ATG10: variants seen among roughly 807,000 people sequenced by gnomAD.
ATG10 encodes the protein ubiquitin-like-conjugating enzyme ATG10.
ATG10 carries 30 observed loss-of-function variants against 32.1 expected under a neutral mutation model. The ratio of observed to expected loss-of-function variants is 0.94; its 90% CI spans 0.70 to 1.27. The LOEUF (loss-of-function observed/expected upper bound fraction) is 1.27, where lower values mean the gene tolerates loss of function less well. ATG10 is among the 50% of genes most tolerant of loss of function. The pLI, the probability that ATG10 is intolerant of heterozygous loss-of-function variation, is 0.00. For synonymous variants in ATG10, 87 were observed against 91.5 expected (o/e 0.95, Z 0.28); for missense variants, 233 against 262.3 (o/e 0.89, Z 0.77).
intron 5 of ATG10, among the ~76,000 whole-genome samples, chr5:82,193,560 G>A (rs1744740854): frequency 6.6e-6 from 1 of 152,114 alleles, no homozygotes; most frequent in Non-Finnish European, 1.5e-5. Context: ...GTCGCATATG[G>A]TAATCCATGT....
At chr5:82,028,685 C>T in intron 2 of ATG10, among the ~76,000 whole-genome samples, 1 of 152,028 alleles carries the variant, frequency 6.6e-6, no homozygotes, top group Non-Finnish European at 1.5e-5. Flanking sequence ...CAGTAGATGT[C>T]CGAGGAAAAG....
chr5:82,022,323 A>G (rs1341216630), intron 2 of ATG10, among the ~76,000 whole-genome samples: 3 of 151,586 alleles, frequency 2.0e-5, no homozygotes, highest in Non-Finnish European at 2.9e-5. Flanking sequence ...TTTGATTAAA[A>G]TGAGTACTTT....
chr5:81,988,436 G>A (rs1275412798), intron 2 of ATG10, among the ~76,000 whole-genome samples: 2 of 152,030 alleles, frequency 1.3e-5, no homozygotes, highest in African/African-American at 4.8e-5. Flanking sequence ...ACCACACCCA[G>A]CCCCAAATTT....
intron 2 of ATG10, chr5:82,010,011 T>C: frequency 6.2e-7 from 1 of 1,609,684 alleles, no homozygotes; most frequent in South Asian, 1.1e-5. Context: ...CTTTGGGACC[T>C]TGTCAGCTAA....
At chr5:82,216,119 T>C (rs1250062978) in intron 5 of ATG10, among the ~76,000 whole-genome samples, 1 of 152,022 alleles carries the variant, frequency 6.6e-6, no homozygotes, top group South Asian at 2.1e-4. Flanking sequence ...TCCTCAACAA[T>C]TGAAAAACTG....
chr5:82,218,052 TACACACACACACAC>T (rs60254193), intron 5 of ATG10, among the ~76,000 whole-genome samples: 7 of 145,186 alleles, frequency 4.8e-5, no homozygotes, highest in Non-Finnish European at 7.5e-5. Context: ...GTTCTCTCTT[TACACACACACACAC>T]ACACACACAC....
chr5:82,006,297 T>C (rs1295914206), intron 2 of ATG10, among the ~76,000 whole-genome samples: 1 of 152,232 alleles, frequency 6.6e-6, no homozygotes, highest in Non-Finnish European at 1.5e-5. Context: ...TTACTTTGTT[T>C]ATTTGCACAG....
At chr5:82,009,897 T>A (rs1762082256) in intron 2 of ATG10, 1 of 1,610,540 alleles carries the variant, frequency 6.2e-7, no homozygotes, top group African/African-American at 1.3e-5. Flanking sequence ...GCGTGTGAAG[T>A]CACCACCCTG....
At chr5:82,030,085 T>A (rs2149714545) in intron 2 of ATG10, among the ~76,000 whole-genome samples, 1 of 152,246 alleles carries the variant, frequency 6.6e-6, no homozygotes, top group African/African-American at 2.4e-5. Flanking sequence ...AGGCTGTTCT[T>A]ATGGCCTGAG....
At chr5:82,003,887 C>T (rs900860466) in intron 2 of ATG10, among the ~76,000 whole-genome samples, 7 of 152,178 alleles carry the variant, frequency 4.6e-5, no homozygotes, top group African/African-American at 1.2e-4. Context: ...TGCCTGTAAT[C>T]GCAGCACTTT....
chr5:82,155,057 A>G (rs976237521), intron 3 of ATG10, among the ~76,000 whole-genome samples: 2 of 152,220 alleles, frequency 1.3e-5, no homozygotes, highest in African/African-American at 4.8e-5. Flanking sequence ...TCTTTGGCAG[A>G]GAAATTTACT....
At chr5:82,221,002 C>T (rs995151083) in intron 5 of ATG10, among the ~76,000 whole-genome samples, 33 of 152,184 alleles carry the variant, frequency 2.2e-4, no homozygotes, top group African/African-American at 7.7e-4. Flanking sequence ...CGTGATCCAC[C>T]GTCCTTGGCT....
chr5:82,066,106 A>T (rs532087711), intron 3 of ATG10, among the ~76,000 whole-genome samples: 21 of 152,252 alleles, frequency 1.4e-4, no homozygotes, highest in African/African-American at 4.8e-4. Context: ...AAGGGGAAAT[A>T]TCTGAAAGTA....
At chr5:82,196,551 T>C (rs1744857901) in intron 5 of ATG10, among the ~76,000 whole-genome samples, 1 of 152,342 alleles carries the variant, frequency 6.6e-6, no homozygotes, top group South Asian at 2.1e-4. Context: ...TTTTAACTTA[T>C]TTTTGTATGT....
chr5:82,145,509 ACT>A (rs1039827312), intron 3 of ATG10, among the ~76,000 whole-genome samples: 4 of 152,040 alleles, frequency 2.6e-5, no homozygotes, highest in Admixed American at 2.0e-4. Context: ...AAATGTAGAA[ACT>A]CTGCAGTTAT....
At chr5:82,244,176 G>T (rs1746923452) in intron 5 of ATG10, among the ~76,000 whole-genome samples, 1 of 152,132 alleles carries the variant, frequency 6.6e-6, no homozygotes, top group African/African-American at 2.4e-5. Context: ...TCTTGGTATT[G>T]TCTGAACTCC....
chr5:82,093,393 C>T (rs1764954656), intron 3 of ATG10, among the ~76,000 whole-genome samples: 1 of 152,034 alleles, frequency 6.6e-6, no homozygotes, highest in Admixed American at 6.6e-5. Context: ...TTTCTTTATT[C>T]CCTTCTCAGT....
intron 5 of ATG10, among the ~76,000 whole-genome samples, chr5:82,244,908 C>G (rs1746961860): frequency 6.6e-6 from 1 of 152,152 alleles, no homozygotes; most frequent in Admixed American, 6.6e-5. Flanking sequence ...CCCATCATTT[C>G]TATTTTCATG....
intron 5 of ATG10, among the ~76,000 whole-genome samples, chr5:82,216,156 T>G (rs1304776215): frequency 2.0e-5 from 3 of 152,176 alleles, no homozygotes; most frequent in Non-Finnish European, 2.9e-5. Context: ...AACAGCTTGA[T>G]GATTTAGAAA....
Sources: gnomAD v4.1 joint callset for allele counts (sites outside exome capture counted in the v4.1 genomes callset) on GRCh38, gnomAD v4.1.1 for gene constraint, MANE v1.5 for transcripts, NCBI Gene and HGNC (gene_info 2026-07-23, HGNC 2026-07-21) for gene names.